The following HNRNPM variants were observed in gnomAD, a reference collection of about 807,000 sequenced individuals.
HNRNPM encodes the protein CEA receptor.
Under a neutral mutation model 73.1 loss-of-function variants are expected in HNRNPM, and 11 were observed. The observed-to-expected ratio is 0.15, with a 90% CI of 0.09 to 0.25. HNRNPM has a LOEUF of 0.25. Among genes scored for constraint, HNRNPM ranks in the 10% least tolerant of loss-of-function variants. The pLI, the probability that HNRNPM is intolerant of heterozygous loss-of-function variation, is 1.00. For missense variants in HNRNPM, 789 were observed against 1,067.9 expected, an observed-to-expected ratio of 0.74 and a Z score of 3.64; for synonymous variants, 407 against 355.2, an observed-to-expected ratio of 1.15 and a Z score of -1.64.
chr19:8,484,003 A>G (rs1243386523), intron 13 of HNRNPM, among the ~76,000 whole-genome samples: 1 of 151,968 alleles, frequency 6.6e-6, no homozygotes, highest in East Asian at 1.9e-4. Context: ...CCTGGCCTCA[A>G]GTGACCTGCA....
rs373258100 is a variant in HNRNPM, at chr19:8,463,539, C to T, written c.344+35C>T. 20 of 1,613,094 alleles carry T rather than the reference C, an allele frequency of 1.2e-5. No individual in the cohort carries two copies. The African/African-American group carries it at 1.6e-4, about 13-fold the overall frequency. On this transcript the variant is annotated intron_variant, in intron 4 of 15. Transcript: ENST00000325495. ...GTCTAGTTACTTATTGGTATTTGAGCCTTCTAACTTGTAGGACTGGTTTCA... is the reference window on the plus strand; with the variant it reads ...GTCTAGTTACTTATTGGTATTTGAGTCTTCTAACTTGTAGGACTGGTTTCA...
Position 8,463,497 on chromosome 19 carries a change from G to T in HNRNPM, c.337G>T (p.Gly113Ter). 6.2e-7 allele frequency: 1 copy of T among 1,613,966 alleles called. No homozygotes were observed. The highest frequency in any genetic ancestry group is 8.5e-7 in the Non-Finnish European group (1 of 1,179,940). Residue 113 changes from glycine (G) to a stop codon, truncating the protein, a stop_gained and splice_region_variant, in exon 4 of 16, where the codon GGA (glycine) becomes TGA (stop). Coordinates refer to ENST00000325495, the MANE Select transcript of HNRNPM (RefSeq NM_005968.5). LOFTEE classifies it high-confidence loss of function. ...GACTGGTCTCTGGCTTCCTCCAAAG[G>T]GATGTGCGTAAGTATCGTCTAGTTA... ...LLMDAEGKSRGCAVVEFKMEE... is the reference protein window; with the variant it reads ...LLMDAEGKSR
intron 14 of HNRNPM, 45 bp downstream of exon 14, chr19:8,486,450 G>A: frequency 6.8e-7 from 1 of 1,477,470 alleles, no homozygotes; most frequent in Non-Finnish European, 9.1e-7. Flanking sequence ...GAGCATGAGG[G>A]GACAGGGGAG....
intron 5 of HNRNPM, among the ~76,000 whole-genome samples, chr19:8,465,003 A>T (rs3794997): frequency 0.22 from 33,193 of 152,112 alleles, 4,553 homozygotes; most frequent in East Asian, 0.5. Flanking sequence ...AAGCCCATGA[A>T]GCTCTAATTT....
At chr19:8,458,965 C>T (rs898716673) in intron 2 of HNRNPM, among the ~76,000 whole-genome samples, 2 of 152,160 alleles carry the variant, frequency 1.3e-5, no homozygotes, top group Non-Finnish European at 2.9e-5. Flanking sequence ...GAGATGGAGT[C>T]TTGCTCTTTT....
At chr19:8,472,392 ACT>A (rs910990619) in intron 10 of HNRNPM, among the ~76,000 whole-genome samples, 18 of 151,930 alleles carry the variant, frequency 1.2e-4, no homozygotes, top group African/African-American at 4.1e-4. Context: ...ATATCCCTAG[ACT>A]CTCTTCCAGA....
chr19:8,465,101 GTTTT>G (rs1568275127), intron 5 of HNRNPM, among the ~76,000 whole-genome samples: 1 of 152,154 alleles, frequency 6.6e-6, no homozygotes, highest in Non-Finnish European at 1.5e-5. Context: ...TGAGAGCTGT[GTTTT>G]TAGTGCTACA....
chr19:8,478,077 C>T (rs138693890), intron 12 of HNRNPM, among the ~76,000 whole-genome samples: 3 of 152,254 alleles, frequency 2.0e-5, no homozygotes, highest in South Asian at 4.1e-4. Context: ...CTGCAGCCTA[C>T]GTTTGATTTA....
intron 12 of HNRNPM, among the ~76,000 whole-genome samples, chr19:8,474,558 C>T (rs997360592): frequency 6.6e-6 from 1 of 152,102 alleles, no homozygotes. Context: ...AGTTTGTAAT[C>T]AAGTTTGTCT....
intron 15 of HNRNPM, 149 bp from the exon 16 acceptor site, chr19:8,488,542 G>C (rs780940586): frequency 5.0e-6 from 3 of 598,926 alleles, no homozygotes; most frequent in African/African-American, 3.7e-5. Flanking sequence ...GAATGGCAGT[G>C]TGGCTGAGGG....
chr19:8,466,469 G>A, intron 7 of HNRNPM, 81 bp downstream of exon 7: 2 of 1,325,488 alleles, frequency 1.5e-6, no homozygotes, highest in South Asian at 2.4e-5. Flanking sequence ...GTGAGGAAGA[G>A]GTGACTGTGT....
At chr19:8,454,195 C>T (rs1968829236) in intron 1 of HNRNPM, among the ~76,000 whole-genome samples, 1 of 152,182 alleles carries the variant, frequency 6.6e-6, no homozygotes, top group Non-Finnish European at 1.5e-5. Context: ...TTATTCTCAT[C>T]CCACATGAAA....
At chr19:8,485,559 C>CACGT (rs1568301935) in intron 13 of HNRNPM, 44 bp from the exon 14 acceptor site, 1 of 1,566,814 alleles carries the variant, frequency 6.4e-7, no homozygotes, top group South Asian at 1.1e-5. Context: ...CACACGCACA[C>CACGT]TCAAGTTCTT....
At chr19:8,451,572 T>C (rs1183278340) in intron 1 of HNRNPM, among the ~76,000 whole-genome samples, 1 of 152,100 alleles carries the variant, frequency 6.6e-6, no homozygotes, top group African/African-American at 2.4e-5. Context: ...GGTCTCCCGC[T>C]GTTACCCCCG....
chr19:8,488,971 G>A lies in HNRNPM; in HGVS notation c.*117G>A. The stretch of plus-strand genomic sequence containing the variant: ...TGTTTAAAAAATTCAGTTGCTTTTT[G>A]GGGTAATTTGAATTACTTTTTTAAT... On this transcript the variant is annotated 3_prime_UTR_variant, in exon 16 of 16. Transcript: ENST00000325495. The A allele has an allele frequency of 2.1e-6, 2 of 958,208 alleles. No individual in the cohort carries two copies. The highest frequency in any genetic ancestry group is 3.1e-6 in the Non-Finnish European group (2 of 655,094). The allele number at this position is 958,208 out of a possible 1,614,324, so 59.4% of individuals were successfully genotyped here.
chr19:8,486,919 C>T, intron 14 of HNRNPM, 105 bp from the exon 15 acceptor site: 1 of 880,940 alleles, frequency 1.1e-6, no homozygotes, highest in East Asian at 2.4e-5. Flanking sequence ...CAGCCAGCTT[C>T]TCGGTATAGT....
At chr19:8,445,209 G>GCGGCCT in intron 1 of HNRNPM, 98 bp downstream of exon 1, 1 of 1,095,406 alleles carries the variant, frequency 9.1e-7, no homozygotes, top group South Asian at 2.4e-5. Flanking sequence ...TAGCCCCGGC[G>GCGGCCT]CGGCCTCGGC....
intron 12 of HNRNPM, among the ~76,000 whole-genome samples, chr19:8,480,792 CAG>C: frequency 6.6e-6 from 1 of 152,156 alleles, no homozygotes; most frequent in Non-Finnish European, 1.5e-5. Context: ...ATGAGTGGCA[CAG>C]AGAGGTGGAT....
chr19:8,479,687 T>TC (rs1307103372), intron 12 of HNRNPM, among the ~76,000 whole-genome samples: 2 of 142,884 alleles, frequency 1.4e-5, no homozygotes, highest in African/African-American at 5.3e-5. Flanking sequence ...CAAGTGATCC[T>TC]CCCGCCTTGG....
Sources: allele counts gnomAD v4.1 joint callset (sites outside exome capture counted in the v4.1 genomes callset), GRCh38; gene constraint gnomAD v4.1.1; transcripts MANE v1.5; gene names NCBI Gene and HGNC (gene_info 2026-07-23, HGNC 2026-07-21).